RIPOR3: variants seen among roughly 807,000 people sequenced by gnomAD.
RIPOR3 encodes the protein RIPOR family member 3.
Under a neutral mutation model 114.3 loss-of-function variants are expected in RIPOR3, and 95 were observed. The observed-to-expected ratio is 0.83, with a 90% CI of 0.70 to 0.99. The LOEUF (loss-of-function observed/expected upper bound fraction) is 0.99, where lower values mean the gene tolerates loss of function less well. Ranked by LOEUF, RIPOR3 falls within the 50% of genes least tolerant of loss-of-function variation. The pLI, the probability that RIPOR3 is intolerant of heterozygous loss-of-function variation, is 0.00. For missense variants in RIPOR3, 1,252 were observed against 1,266.9 expected (o/e 0.99, Z 0.18); for synonymous variants, 575 against 543.8 (o/e 1.06, Z -0.80).
chr20:50,620,582 G>A (rs1022712665), intron 2 of RIPOR3, among the ~76,000 whole-genome samples: 2 of 151,880 alleles, frequency 1.3e-5, no homozygotes, highest in African/African-American at 4.8e-5. Context: ...AGCCGAGATT[G>A]CATCACTGCA....
At chr20:50,683,353 C>T (rs541633240) in intron 1 of RIPOR3, among the ~76,000 whole-genome samples, 1 of 152,242 alleles carries the variant, frequency 6.6e-6, no homozygotes, top group Non-Finnish European at 1.5e-5. Flanking sequence ...TTATAAATAG[C>T]TATAAAGAGA....
intron 1 of RIPOR3, among the ~76,000 whole-genome samples, chr20:50,650,965 G>A (rs987134687): frequency 2.6e-5 from 4 of 151,890 alleles, no homozygotes; most frequent in African/African-American, 9.7e-5. Context: ...AACAGGACTG[G>A]CTTTTTGTTT....
At chr20:50,596,498 T>C (rs933473086) in intron 14 of RIPOR3, among the ~76,000 whole-genome samples, 1 of 152,148 alleles carries the variant, frequency 6.6e-6, no homozygotes, top group African/African-American at 2.4e-5. Context: ...TTCCAGGATG[T>C]CTCGTGGAGG....
chr20:50,643,001 T>C (rs2085261223), intron 1 of RIPOR3, among the ~76,000 whole-genome samples: 2 of 151,818 alleles, frequency 1.3e-5, no homozygotes, highest in Admixed American at 6.6e-5. Context: ...TGAGCCGAGA[T>C]TGCACCATTG....
At chr20:50,652,590 C>CAAAAAAA (rs11470456) in intron 1 of RIPOR3, among the ~76,000 whole-genome samples, 6 of 87,318 alleles carry the variant, frequency 6.9e-5, no homozygotes, top group African/African-American at 1.3e-4. Context: ...GATTCTGTCT[C>CAAAAAAA]AAAAAAAAAA....
Position 50,602,577 on chromosome 20 carries a change from C to G in RIPOR3, c.1154G>C (p.Ser385Thr), listed in dbSNP as rs2083542213. 1.3e-6 allele frequency: 2 copies of G among 1,528,184 alleles called. No individual in the cohort carries two copies. Among genetic ancestry groups the G allele is most frequent in the Non-Finnish European group, 1.8e-6 (2 of 1,139,640 alleles). 94.7% of individuals were successfully genotyped at this position (1,528,184 alleles called of 1,614,324 possible). Residue 385 changes from serine to threonine, a missense_variant, in exon 13 of 22, where the codon AGC becomes ACC. Transcript: ENST00000327979. This position sits in a 1 kb window ranked among gnomAD's most constrained non-coding sequence, Gnocchi z 4.3. ...CCGGAGGTCGCTGTCAGACAGGTAG[C>G]TGAGGATGGAGGTGGCCCTTGGGCC... Reference protein sequence around the residue: ...LGGPRATSILSYLSDSDLRGP... With the variant: ...LGGPRATSILTYLSDSDLRGP...
chr20:50,593,584 G>A lies in RIPOR3; in HGVS notation c.2213-388C>T, dbSNP rs570337153. Among the ~76,000 whole-genome samples the A allele has an allele frequency of 8.1e-4, 123 of 151,470 alleles. 1 individual carries two copies. Among genetic ancestry groups the A allele is most frequent in the African/African-American group, 2.7e-3 (110 of 41,142 alleles). ...TGAAACCCCATCTCAAAAAAAAAAA[G>A]GGTTTCTGATGGCACGAGGGCAGGT... On this transcript the variant is annotated intron_variant, in intron 17 of 21. Coordinates refer to ENST00000327979, the MANE Select transcript of RIPOR3 (RefSeq NM_001290268.2).
chr20:50,602,019 GTCA>G lies in RIPOR3; in HGVS notation c.1659+50_1659+52del. On this transcript the variant is annotated intron_variant, in intron 13 of 21. Coordinates refer to ENST00000327979, the MANE Select transcript of RIPOR3 (RefSeq NM_001290268.2). The surrounding 1 kb of genome is among the most constrained non-coding windows in gnomAD (Gnocchi z 4.3). ...GTGGCCCCAGAGCCCCCGACTCCCA[GTCA>G]TCATGCCATCAGCAAAGCAGGGCCA... 2.1e-6 allele frequency: 3 copies of G among 1,429,718 alleles called. No homozygotes were observed. Among genetic ancestry groups the G allele is most frequent in the Non-Finnish European group, 2.8e-6 (3 of 1,090,858 alleles). The allele number at this position is 1,429,718 out of a possible 1,614,324, so 88.6% of individuals were successfully genotyped here.
At chr20:50,671,556 T>C (rs2086496962) in intron 1 of RIPOR3, among the ~76,000 whole-genome samples, 1 of 152,200 alleles carries the variant, frequency 6.6e-6, no homozygotes, top group African/African-American at 2.4e-5. Flanking sequence ...CACTAATAGA[T>C]AGATAACTAA....
intron 20 of RIPOR3, among the ~76,000 whole-genome samples, chr20:50,588,876 C>T (rs1190561282): frequency 2.0e-5 from 3 of 151,048 alleles, no homozygotes; most frequent in Admixed American, 6.6e-5. Flanking sequence ...GTCAGGAGAT[C>T]GAGACCATCC....
chr20:50,686,423 C>A (rs138734796), intron 1 of RIPOR3, among the ~76,000 whole-genome samples: 1 of 151,980 alleles, frequency 6.6e-6, no homozygotes, highest in Non-Finnish European at 1.5e-5. Flanking sequence ...TAAACTCAGG[C>A]GCGCCCTTCC....
At position 50,602,657 on chromosome 20, in the gene RIPOR3, C is replaced by T. The variant is rs767032106; in HGVS notation, c.1087-13G>A. 7 of 1,442,822 alleles carry T rather than the reference C, an allele frequency of 4.9e-6. No individual in the cohort carries two copies. The highest frequency in any genetic ancestry group is 2.5e-5 in the East Asian group (1 of 40,654). 89.4% of individuals were successfully genotyped at this position (1,442,822 alleles called of 1,614,324 possible). On this transcript the variant is annotated splice_polypyrimidine_tract_variant and intron_variant, in intron 12 of 21. Transcript: ENST00000327979. This position sits in a 1 kb window ranked among gnomAD's most constrained non-coding sequence, Gnocchi z 4.3. Reference sequence around the variant, plus strand: ...GCTGTAGGACAGACTGGAGAGGGGACACGGGAGCGGCCTCACCAGCCACCC... The same window carrying T: ...GCTGTAGGACAGACTGGAGAGGGGATACGGGAGCGGCCTCACCAGCCACCC...
Position 50,685,604 on chromosome 20 carries a change from A to G in RIPOR3, c.3+5522T>C, listed in dbSNP as rs1415579417. On this transcript the variant is annotated intron_variant, in intron 1 of 21. Coordinates refer to ENST00000327979, the MANE Select transcript of RIPOR3 (RefSeq NM_001290268.2). ...TTTGGGAGGCCAAGGTGGGCGGATCACCTGAGGTCAGGAGTTTGAGACCAG... is the reference window on the plus strand; with the variant it reads ...TTTGGGAGGCCAAGGTGGGCGGATCGCCTGAGGTCAGGAGTTTGAGACCAG... Among the ~76,000 whole-genome samples, 63 of 147,392 alleles carry G rather than the reference A, an allele frequency of 4.3e-4. 1 individual carries two copies. Among genetic ancestry groups the G allele is most frequent in the Non-Finnish European group, 1.5e-5 (1 of 66,558 alleles).
intron 1 of RIPOR3, among the ~76,000 whole-genome samples, chr20:50,670,408 G>A (rs2123522721): frequency 7.9e-6 from 1 of 125,906 alleles, no homozygotes; most frequent in South Asian, 2.5e-4. Flanking sequence ...AGAAAAGCTG[G>A]GAGGAGCAGA....
At chr20:50,658,496 C>T (rs946053283) in intron 1 of RIPOR3, among the ~76,000 whole-genome samples, 12 of 151,942 alleles carry the variant, frequency 7.9e-5, no homozygotes, top group African/African-American at 2.9e-4. Context: ...TCGCTCGAGC[C>T]CAGGAGTTTG....
At chr20:50,594,473 AGCTGTG>A in intron 17 of RIPOR3, 74 bp downstream of exon 17, 1 of 1,510,404 alleles carries the variant, frequency 6.6e-7, no homozygotes, top group East Asian at 2.3e-5. Context: ...AAATGAGGCC[AGCTGTG>A]GCCACCCTGA....
chr20:50,637,280 C>T (rs1273055810), intron 1 of RIPOR3, among the ~76,000 whole-genome samples: 3 of 152,096 alleles, frequency 2.0e-5, no homozygotes, highest in African/African-American at 7.2e-5. Context: ...AAAGCACAGG[C>T]CTCAGCTGGA....
intron 16 of RIPOR3, 120 bp downstream of exon 16, chr20:50,595,249 C>A: frequency 7.5e-7 from 1 of 1,337,702 alleles, no homozygotes; most frequent in East Asian, 2.3e-5. Context: ...CCAGCCACAG[C>A]CTCCACTCTG....
chr20:50,612,531 A>G (rs973610895), intron 4 of RIPOR3, among the ~76,000 whole-genome samples: 1 of 152,210 alleles, frequency 6.6e-6, no homozygotes, highest in Non-Finnish European at 1.5e-5. Context: ...CCAGGGAGGA[A>G]AAGTAAGCTG....
Sources: allele counts gnomAD v4.1 joint callset (sites outside exome capture counted in the v4.1 genomes callset), GRCh38; gene constraint gnomAD v4.1.1; non-coding constraint Gnocchi (gnomAD v3.1); transcripts MANE v1.5; gene names NCBI Gene and HGNC (gene_info 2026-07-23, HGNC 2026-07-21).